LRBA: variants seen among roughly 807,000 people sequenced by gnomAD.
The protein encoded by LRBA is lipopolysaccharide-responsive and beige-like anchor protein.
In LRBA, 176 loss-of-function variants were observed where a neutral mutation model predicts 330.0. That is an observed-to-expected ratio of 0.53 (90% confidence interval 0.47 to 0.60). The LOEUF (loss-of-function observed/expected upper bound fraction) is 0.60. Among genes scored for constraint, LRBA ranks in the 20% least tolerant of loss-of-function variants. The pLI, the probability that LRBA is intolerant of heterozygous loss-of-function variation, is 0.00. For missense variants in LRBA, 3,259 were observed against 3,444.8 expected, an observed-to-expected ratio of 0.95 and a Z score of 1.35; for synonymous variants, 1,230 against 1,193.0, an observed-to-expected ratio of 1.03 and a Z score of -0.64.
chr4:150,858,582 T>C (rs1041681408), intron 22 of LRBA, among the ~76,000 whole-genome samples: 1 of 152,208 alleles, frequency 6.6e-6, no homozygotes, highest in Non-Finnish European at 1.5e-5. Context: ...CAGACTGAAG[T>C]GCAGTGGCAC....
intron 40 of LRBA, among the ~76,000 whole-genome samples, chr4:150,514,166 G>C (rs570680516): frequency 6.6e-6 from 1 of 152,102 alleles, no homozygotes; most frequent in African/African-American, 2.4e-5. Context: ...TCCGCCTCCC[G>C]AGTTCAAGTG....
At chr4:150,609,089 G>A (rs1324404107) in intron 37 of LRBA, among the ~76,000 whole-genome samples, 1 of 152,158 alleles carries the variant, frequency 6.6e-6, no homozygotes, top group Non-Finnish European at 1.5e-5. Context: ...TAGCTATCTA[G>A]CATTCACTTC....
chr4:150,474,010 T>G (rs936353872), intron 42 of LRBA, among the ~76,000 whole-genome samples: 27 of 152,190 alleles, frequency 1.8e-4, no homozygotes, highest in African/African-American at 6.5e-4. Context: ...TTTTCTTCTG[T>G]GGATTATGCT....
intron 37 of LRBA, among the ~76,000 whole-genome samples, chr4:150,658,201 C>G (rs1581946613): frequency 2.0e-5 from 3 of 151,990 alleles, no homozygotes; most frequent in African/African-American, 7.2e-5. Flanking sequence ...AGATTCCCCC[C>G]CTTCTTTTGA....
At chr4:150,978,784 GAAGA>G (rs746050288) in intron 2 of LRBA, among the ~76,000 whole-genome samples, 14 of 152,110 alleles carry the variant, frequency 9.2e-5, no homozygotes, top group Admixed American at 2.0e-4. Context: ...TGATCAAACA[GAAGA>G]AAGAATTAGT....
At chr4:150,706,512 G>A (rs1181393675) in intron 36 of LRBA, among the ~76,000 whole-genome samples, 2 of 151,052 alleles carry the variant, frequency 1.3e-5, no homozygotes, top group Non-Finnish European at 3.0e-5. Context: ...GAAACATATG[G>A]GAATTCCTTT....
intron 46 of LRBA, among the ~76,000 whole-genome samples, chr4:150,430,225 T>C (rs1750192012): frequency 6.6e-6 from 1 of 152,190 alleles, no homozygotes; most frequent in African/African-American, 2.4e-5. Flanking sequence ...TCACTGCTCC[T>C]TGCCTAATTA....
intron 53 of LRBA, among the ~76,000 whole-genome samples, chr4:150,289,926 C>T (rs1482431105): frequency 1.3e-5 from 2 of 152,082 alleles, no homozygotes; most frequent in Admixed American, 6.6e-5. Context: ...CTGAGGGTAG[C>T]GGGGATAATC....
intron 46 of LRBA, chr4:150,422,512 T>G: frequency 2.8e-6 from 1 of 351,606 alleles, no homozygotes; most frequent in Non-Finnish European, 5.3e-6. Flanking sequence ...TCCAGGGAGA[T>G]GAACATTATA....
intron 37 of LRBA, among the ~76,000 whole-genome samples, chr4:150,642,507 A>C (rs534416543): frequency 9.9e-5 from 15 of 152,020 alleles, no homozygotes; most frequent in African/African-American, 3.6e-4. Flanking sequence ...TGAAGAGTAC[A>C]GGAAAATATA....
intron 48 of LRBA, among the ~76,000 whole-genome samples, chr4:150,346,694 G>T (rs1355341123): frequency 6.8e-6 from 1 of 147,150 alleles, no homozygotes; most frequent in Non-Finnish European, 1.5e-5. Context: ...GGGAGGCGGA[G>T]GTTGCAGTGA....
chr4:150,639,811 G>A lies in LRBA; in HGVS notation c.5922-40680C>T, dbSNP rs1474268346. 2.8e-3 allele frequency among the ~76,000 whole-genome samples: 39 copies of A among 13,820 alleles called. 6 individuals are homozygous for A. The highest frequency in any genetic ancestry group is 0.033 in the Middle Eastern group (1 of 30). 9.1% of individuals were successfully genotyped at this position (13,820 alleles called of 152,430 possible). On this transcript the variant is annotated intron_variant, in intron 37 of 56. Transcript: ENST00000651943. ...TGTGTGTATATATATATATATGTGT[G>A]TGTGTGTGTATATATATATATATAT... is the stretch of plus-strand genomic sequence containing the variant.
chr4:150,765,876 T>C (rs1365338424), intron 34 of LRBA, among the ~76,000 whole-genome samples: 3 of 152,092 alleles, frequency 2.0e-5, no homozygotes, highest in Non-Finnish European at 4.4e-5. Context: ...ATTATTGGGG[T>C]TAGACTGAAA....
chr4:150,334,770 T>TAA (rs11368743), intron 48 of LRBA, among the ~76,000 whole-genome samples: 2 of 147,234 alleles, frequency 1.4e-5, no homozygotes, highest in Admixed American at 6.8e-5. Flanking sequence ...AAAGACAATT[T>TAA]AAAAAAAAAG....
chr4:150,634,893 A>T (rs932752029), intron 37 of LRBA, among the ~76,000 whole-genome samples: 1 of 152,148 alleles, frequency 6.6e-6, no homozygotes, highest in Non-Finnish European at 1.5e-5. Context: ...GGATCCCTGC[A>T]CCACTGCCCC....
intron 44 of LRBA, among the ~76,000 whole-genome samples, chr4:150,453,634 T>C (rs1753661823): frequency 6.6e-6 from 1 of 152,210 alleles, no homozygotes; most frequent in Non-Finnish European, 1.5e-5. Context: ...GTCAATTACA[T>C]AATCTAAATC....
chr4:150,954,390 G>C (rs2149551523), intron 2 of LRBA, among the ~76,000 whole-genome samples: 1 of 152,332 alleles, frequency 6.6e-6, no homozygotes, highest in East Asian at 1.9e-4. Context: ...GAAAGAAGTA[G>C]ACATAGGAGA....
intron 40 of LRBA, among the ~76,000 whole-genome samples, chr4:150,502,739 C>T (rs765877707): frequency 5.9e-5 from 9 of 152,208 alleles, no homozygotes; most frequent in East Asian, 3.9e-4. Flanking sequence ...GTGCGTGAGG[C>T]GAAGCAGGGC....
chr4:151,003,883 T>C (rs1743700058), intron 2 of LRBA, among the ~76,000 whole-genome samples: 1 of 136,888 alleles, frequency 7.3e-6, no homozygotes, highest in African/African-American at 2.8e-5. Flanking sequence ...TATAGCCAAC[T>C]GCTGTGTGTG....
Sources: allele counts gnomAD v4.1 joint callset (sites outside exome capture counted in the v4.1 genomes callset), GRCh38; gene constraint gnomAD v4.1.1; transcripts MANE v1.5; gene names NCBI Gene and HGNC (gene_info 2026-07-23, HGNC 2026-07-21).